CDH8: variants seen among roughly 807,000 people sequenced by gnomAD.
CDH8 encodes the protein cadherin-8.
In CDH8, 17 loss-of-function variants were observed where a neutral mutation model predicts 68.1. The observed-to-expected ratio is 0.25, with a 90% CI of 0.17 to 0.37. The LOEUF (loss-of-function observed/expected upper bound fraction) is 0.37, where lower values mean the gene tolerates loss of function less well. Ranked by LOEUF, CDH8 falls within the 10% of genes least tolerant of loss-of-function variation. The pLI, the probability that CDH8 is intolerant of heterozygous loss-of-function variation, is 1.00. For synonymous variants in CDH8, 372 were observed against 365.1 expected, an observed-to-expected ratio of 1.02 and a Z score of -0.21; for missense variants, 763 against 999.3, an observed-to-expected ratio of 0.76 and a Z score of 3.19.
intron 1 of CDH8, among the ~76,000 whole-genome samples, chr16:62,028,358 G>T (rs1014792517): frequency 6.6e-6 from 1 of 151,796 alleles, no homozygotes; most frequent in African/African-American, 2.4e-5. Flanking sequence ...GTGAGCCACC[G>T]CGACCGGCCT....
At chr16:61,742,918 T>C (rs1959915547) in intron 8 of CDH8, among the ~76,000 whole-genome samples, 2 of 152,180 alleles carry the variant, frequency 1.3e-5, no homozygotes, top group African/African-American at 2.4e-5. Flanking sequence ...TTGGTAATTA[T>C]GTATTCAATT....
chr16:61,756,070 C>T (rs1227537544), intron 8 of CDH8, among the ~76,000 whole-genome samples: 1 of 152,086 alleles, frequency 6.6e-6, no homozygotes, highest in African/African-American at 2.4e-5. Context: ...ATCCACCCAC[C>T]CCAGCCAACC....
Position 61,647,734 on chromosome 16 carries a change from C to T in CDH8, c.*5874G>A. The stretch of plus-strand genomic sequence containing the variant: ...GATGGCCTGAAGTTCTTTGCATGTA[C>T]AGAAGAAATCCCAAGAAATTAACAT... On this transcript the variant is annotated 3_prime_UTR_variant, in exon 12 of 12. Coordinates refer to ENST00000577390, the MANE Select transcript of CDH8 (RefSeq NM_001796.5). 1 of 691,928 alleles carries T rather than the reference C, an allele frequency of 1.4e-6. No homozygotes were observed. The allele number at this position is 691,928 out of a possible 1,614,324, so 42.9% of individuals were successfully genotyped here.
chr16:61,852,947 C>T (rs1039289510), intron 4 of CDH8, among the ~76,000 whole-genome samples: 8 of 145,244 alleles, frequency 5.5e-5, no homozygotes, highest in South Asian at 2.2e-4. Context: ...CCATCCTTCA[C>T]TACTTACTGA....
At chr16:61,669,085 G>A (rs965610552) in intron 10 of CDH8, among the ~76,000 whole-genome samples, 5 of 151,916 alleles carry the variant, frequency 3.3e-5, no homozygotes, top group African/African-American at 9.7e-5. Flanking sequence ...TTGATTTGTA[G>A]GTCAAATATC....
chr16:61,662,297 T>C (rs1567408766), intron 10 of CDH8, among the ~76,000 whole-genome samples: 2 of 151,898 alleles, frequency 1.3e-5, no homozygotes, highest in Non-Finnish European at 3.0e-5. Flanking sequence ...AATCTTAGCC[T>C]GCCCTCTCCC....
chr16:61,811,610 G>A (rs544668182), intron 7 of CDH8, among the ~76,000 whole-genome samples: 1 of 152,204 alleles, frequency 6.6e-6, no homozygotes, highest in African/African-American at 2.4e-5. Flanking sequence ...TATGTTCATA[G>A]TATTTACAAT....
intron 4 of CDH8, among the ~76,000 whole-genome samples, chr16:61,849,396 TC>T (rs1962894306): frequency 6.6e-6 from 1 of 152,082 alleles, no homozygotes; most frequent in East Asian, 1.9e-4. Context: ...CTCTTTGGCT[TC>T]CTCCCAAGTC....
intron 2 of CDH8, among the ~76,000 whole-genome samples, chr16:61,934,758 G>T (rs534793181): frequency 2.0e-5 from 3 of 152,196 alleles, no homozygotes; most frequent in African/African-American, 7.2e-5. Flanking sequence ...TGTGTTGTTA[G>T]TATTCAAGAC....
At chr16:61,917,896 C>T (rs749072127) in intron 2 of CDH8, among the ~76,000 whole-genome samples, 3 of 151,334 alleles carry the variant, frequency 2.0e-5, no homozygotes, top group Non-Finnish European at 4.4e-5. Context: ...TAGCAGAACT[C>T]GTAGAATAGT....
chr16:61,949,605 G>A (rs1288340422), intron 2 of CDH8, among the ~76,000 whole-genome samples: 1 of 152,014 alleles, frequency 6.6e-6, no homozygotes, highest in Non-Finnish European at 1.5e-5. Context: ...CAACAAGACC[G>A]AGAACCCACT....
At chr16:61,664,823 G>A (rs560115299) in intron 10 of CDH8, among the ~76,000 whole-genome samples, 19 of 152,132 alleles carry the variant, frequency 1.2e-4, no homozygotes, top group Admixed American at 1.2e-3. Context: ...TATATTCAGA[G>A]AGGGGCACAC....
At chr16:62,024,665 A>T (rs184747880) in intron 1 of CDH8, among the ~76,000 whole-genome samples, 201 of 152,334 alleles carry the variant, frequency 1.3e-3, no homozygotes, top group Non-Finnish European at 2.2e-3. Context: ...TAGGTTAATT[A>T]AAAAGGGGAT....
chr16:61,913,109 T>TC (rs967952880), intron 2 of CDH8, among the ~76,000 whole-genome samples: 1 of 152,154 alleles, frequency 6.6e-6, no homozygotes, highest in African/African-American at 2.4e-5. Context: ...TTAGAAAACT[T>TC]CAACAATTTG....
At chr16:61,990,263 C>T (rs186099765) in intron 2 of CDH8, among the ~76,000 whole-genome samples, 12 of 148,928 alleles carry the variant, frequency 8.1e-5, no homozygotes, top group Admixed American at 2.7e-4. Flanking sequence ...AACAGGTATT[C>T]CACTTATCAA....
At chr16:61,669,902 A>T (rs971485575) in intron 10 of CDH8, among the ~76,000 whole-genome samples, 1 of 152,024 alleles carries the variant, frequency 6.6e-6, no homozygotes, top group African/African-American at 2.4e-5. Flanking sequence ...CCTCTTTACA[A>T]ACTGTTAACC....
intron 8 of CDH8, among the ~76,000 whole-genome samples, chr16:61,739,713 G>A (rs1183033835): frequency 9.1e-5 from 13 of 142,952 alleles, no homozygotes; most frequent in Non-Finnish European, 1.8e-4. Context: ...GGGCAACAGA[G>A]CGAGACTCTG....
intron 3 of CDH8, among the ~76,000 whole-genome samples, chr16:61,872,633 TAACAGTA>T (rs1024656630): frequency 1.3e-5 from 2 of 152,298 alleles, no homozygotes; most frequent in African/African-American, 4.8e-5. Context: ...GAGTCTGTTC[TAACAGTA>T]ATTCCAAAAG....
At chr16:61,688,428 C>A (rs993130074) in intron 10 of CDH8, among the ~76,000 whole-genome samples, 1 of 151,990 alleles carries the variant, frequency 6.6e-6, no homozygotes, top group Admixed American at 6.6e-5. Context: ...GCCTGCAAAG[C>A]AATTTGTTTT....
Sources: gnomAD v4.1 joint callset for allele counts (sites outside exome capture counted in the v4.1 genomes callset) on GRCh38, gnomAD v4.1.1 for gene constraint, MANE v1.5 for transcripts, NCBI Gene and HGNC (gene_info 2026-07-23, HGNC 2026-07-21) for gene names.